Variants in AKAP6 observed in about 807,000 individuals in gnomAD.
AKAP6 encodes the protein A-kinase anchor protein 6.
In AKAP6, 58 loss-of-function variants were observed where a neutral mutation model predicts 188.5. The ratio of observed to expected loss-of-function variants is 0.31; its 90% CI spans 0.25 to 0.38. AKAP6 has a LOEUF of 0.38. Among genes scored for constraint, AKAP6 ranks in the 10% least tolerant of loss-of-function variants. The pLI is 1.00. For synonymous variants in AKAP6, 989 were observed against 998.6 expected (o/e 0.99, Z 0.18); for missense variants, 2,710 against 2,740.0 (o/e 0.99, Z 0.24).
intron 12 of AKAP6, among the ~76,000 whole-genome samples, chr14:32,798,605 G>A (rs1442966429): frequency 3.3e-5 from 5 of 152,144 alleles, no homozygotes; most frequent in Admixed American, 2.0e-4. Context: ...ATTACCCTAA[G>A]TGGATTAATA....
intron 1 of AKAP6, among the ~76,000 whole-genome samples, chr14:32,407,768 A>G (rs1370012313): frequency 6.6e-6 from 1 of 152,064 alleles, no homozygotes; most frequent in Non-Finnish European, 1.5e-5. Context: ...CTTGTTGCCA[A>G]CCTCCACAAA....
At chr14:32,605,911 TA>T (rs1331855608) in intron 7 of AKAP6, among the ~76,000 whole-genome samples, 7 of 152,292 alleles carry the variant, frequency 4.6e-5, no homozygotes, top group African/African-American at 1.7e-4. Flanking sequence ...GGAATATATC[TA>T]GGGGGTATTT....
At chr14:32,344,534 G>A (rs952208840) in intron 1 of AKAP6, among the ~76,000 whole-genome samples, 2 of 152,186 alleles carry the variant, frequency 1.3e-5, no homozygotes, top group African/African-American at 4.8e-5. Flanking sequence ...GAGCCTTGAG[G>A]AGTGACTGAG....
chr14:32,448,224 C>A (rs550902476), intron 2 of AKAP6, among the ~76,000 whole-genome samples: 6 of 152,146 alleles, frequency 3.9e-5, no homozygotes, highest in African/African-American at 1.4e-4. Context: ...TCACTGTAAG[C>A]GGAGGGAACT....
At chr14:32,431,670 AC>A (rs1159048155) in intron 1 of AKAP6, among the ~76,000 whole-genome samples, 1 of 151,864 alleles carries the variant, frequency 6.6e-6, no homozygotes, top group African/African-American at 2.4e-5. Flanking sequence ...CTGCCACTAC[AC>A]CCGGCTAATT....
At chr14:32,612,535 T>TAAAA (rs1886392166) in intron 7 of AKAP6, among the ~76,000 whole-genome samples, 1 of 152,178 alleles carries the variant, frequency 6.6e-6, no homozygotes, top group Non-Finnish European at 1.5e-5. Context: ...TCCCATTTTC[T>TAAAA]TTGCCACTTG....
chr14:32,466,774 A>C lies in AKAP6; in HGVS notation c.324+32957A>C, dbSNP rs573194152. 5.5e-5 allele frequency among the ~76,000 whole-genome samples: 8 copies of C among 145,822 alleles called. No individual in the cohort carries two copies. In the South Asian group the frequency reaches 1.7e-3, roughly 32 times the overall value. On this transcript the variant is annotated intron_variant, in intron 2 of 13. Transcript: ENST00000280979. ...AAAAAAGAGATATATTAACCAATCG[A>C]TGTGTAGACCCTTTTTGGATCCTGA...
At chr14:32,768,249 G>T (rs2139972663) in intron 11 of AKAP6, among the ~76,000 whole-genome samples, 1 of 152,242 alleles carries the variant, frequency 6.6e-6, no homozygotes, top group Non-Finnish European at 1.5e-5. Context: ...TATAGCTTCA[G>T]GCATTAACAT....
chr14:32,700,126 A>G (rs551258195), intron 9 of AKAP6, among the ~76,000 whole-genome samples: 2 of 152,312 alleles, frequency 1.3e-5, no homozygotes, highest in South Asian at 2.1e-4. Flanking sequence ...AAGCATTTCA[A>G]CGTTTAGAGA....
Position 32,686,179 on chromosome 14 carries a change from G to A in AKAP6, c.2879+7720G>A, listed in dbSNP as rs574408889. On this transcript the variant is annotated intron_variant, in intron 8 of 13. Coordinates refer to ENST00000280979, the MANE Select transcript of AKAP6 (RefSeq NM_004274.5). ...GAGGTCATTATGTTAAGTGAAATTC[G>A]CCAGGCACAAGAAGTGAAACATTGC... is the stretch of plus-strand genomic sequence containing the variant. 3.4e-4 allele frequency among the ~76,000 whole-genome samples: 52 copies of A among 151,724 alleles called. No individual in the cohort carries two copies. The South Asian group carries it at 9.6e-3, about 28-fold the overall frequency.
At chr14:32,355,458 C>T (rs536602279) in intron 1 of AKAP6, among the ~76,000 whole-genome samples, 26 of 152,228 alleles carry the variant, frequency 1.7e-4, no homozygotes, top group South Asian at 1.4e-3. Flanking sequence ...TGCCACAGAC[C>T]GTCTGGCAGG....
At chr14:32,369,764 G>A (rs546163995) in intron 1 of AKAP6, among the ~76,000 whole-genome samples, 19 of 152,302 alleles carry the variant, frequency 1.2e-4, no homozygotes, top group Admixed American at 9.8e-4. Flanking sequence ...AAATGTGTAA[G>A]TTCCCTTTAA....
chr14:32,505,906 T>TA (rs1216229636), intron 2 of AKAP6, among the ~76,000 whole-genome samples: 4 of 152,140 alleles, frequency 2.6e-5, no homozygotes, highest in Admixed American at 2.6e-4. Flanking sequence ...TAGATTTTTT[T>TA]AAAAAACAGG....
chr14:32,459,720 G>C (rs1468971802), intron 2 of AKAP6, among the ~76,000 whole-genome samples: 1 of 147,196 alleles, frequency 6.8e-6, no homozygotes, highest in African/African-American at 2.5e-5. Flanking sequence ...ATATCAAATT[G>C]TCACCGAAAT....
At chr14:32,699,590 T>C (rs908685022) in intron 9 of AKAP6, among the ~76,000 whole-genome samples, 3 of 152,228 alleles carry the variant, frequency 2.0e-5, no homozygotes, top group Admixed American at 6.5e-5. Context: ...ATGTACTTTC[T>C]TCTTTGTTTT....
At chr14:32,663,436 A>G (rs59558913) in intron 7 of AKAP6, among the ~76,000 whole-genome samples, 3,662 of 152,040 alleles carry the variant, frequency 0.024, 158 homozygotes, top group African/African-American at 0.082. Context: ...TTCATATCAT[A>G]CTCTTGGGGA....
intron 1 of AKAP6, chr14:32,417,944 A>G (rs1243133051): frequency 6.6e-6 from 1 of 152,182 alleles, no homozygotes; most frequent in Non-Finnish European, 1.5e-5. Context: ...AAACTCAGTC[A>G]GAGGACCTCG....
At chr14:32,775,517 C>T (rs2033032151) in intron 12 of AKAP6, among the ~76,000 whole-genome samples, 1 of 151,536 alleles carries the variant, frequency 6.6e-6, no homozygotes, top group Admixed American at 6.6e-5. Context: ...ACTGCAGCCT[C>T]AAACTCCTGG....
chr14:32,792,848 G>C (rs2033651835), intron 12 of AKAP6, among the ~76,000 whole-genome samples: 1 of 152,106 alleles, frequency 6.6e-6, no homozygotes, highest in Admixed American at 6.6e-5. Flanking sequence ...TTTATCGAAG[G>C]CCTTTTCTGC....
Sources: allele counts gnomAD v4.1 joint callset (sites outside exome capture counted in the v4.1 genomes callset), GRCh38; gene constraint gnomAD v4.1.1; transcripts MANE v1.5; gene names NCBI Gene and HGNC (gene_info 2026-07-23, HGNC 2026-07-21).